Variants in PDE6A observed in about 807,000 individuals in gnomAD.
PDE6A encodes rod cGMP-specific 3',5'-cyclic phosphodiesterase subunit alpha.
PDE6A carries 84 observed loss-of-function variants against 106.3 expected under a neutral mutation model. That is an observed-to-expected ratio of 0.79 (90% CI 0.66 to 0.95). The LOEUF is 0.95. Among genes scored for constraint, PDE6A ranks in the 40% least tolerant of loss-of-function variants. PDE6A has a pLI of 0.00. For synonymous variants in PDE6A, 394 were observed against 386.6 expected, an observed-to-expected ratio of 1.02 and a Z score of -0.23; for missense variants, 1,052 against 1,084.9, an observed-to-expected ratio of 0.97 and a Z score of 0.43.
intron 8 of PDE6A, among the ~76,000 whole-genome samples, chr5:149,900,963 A>G (rs1752955460): frequency 6.6e-6 from 1 of 152,108 alleles, no homozygotes; most frequent in South Asian, 2.1e-4. Flanking sequence ...TCACCCAGGC[A>G]GGAGTATAGT....
chr5:149,922,740 G>GA (rs1457604717), intron 4 of PDE6A, among the ~76,000 whole-genome samples: 2 of 152,126 alleles, frequency 1.3e-5, no homozygotes. Context: ...AAATAAGAAA[G>GA]AAAAAAATGA....
intron 4 of PDE6A, among the ~76,000 whole-genome samples, chr5:149,927,439 A>G (rs1753895256): frequency 6.6e-6 from 1 of 152,068 alleles, no homozygotes; most frequent in Admixed American, 6.6e-5. Context: ...GTAATTTTTA[A>G]TTAATTAATT....
rs1470015295 is a variant in PDE6A, at chr5:149,898,371, T to G, written c.1399A>C (p.Lys467Gln). Residue 467 changes from lysine (K) to glutamine (Q), a missense_variant, in exon 10 of 22, where the codon AAA becomes CAA. By Grantham distance (53) the Lys-to-Gln change is moderately conservative. Coordinates refer to ENST00000255266, the MANE Select transcript of PDE6A (RefSeq NM_000440.3). ...HVKCDNEEIQ[K>Q]ILKTREVYGK... ...TAAAGAACATTACACACCAAGATTT[T>G]CTGAATTTCTTCATTGTCACACTTC... 1 of 1,613,458 alleles carries G rather than the reference T, an allele frequency of 6.2e-7. No individual in the cohort carries two copies. The highest frequency in any genetic ancestry group is 1.7e-5 in the Admixed American group (1 of 60,018).
chr5:149,903,876 CACCTTATAAACAT>C (rs1024143757), intron 7 of PDE6A, among the ~76,000 whole-genome samples, 181 bp from the exon 8 acceptor site: 2 of 152,186 alleles, frequency 1.3e-5, no homozygotes, highest in Non-Finnish European at 2.9e-5. Flanking sequence ...ACAGAAAAGT[CACCTTATAAACAT>C]TACTTTTTAT....
intron 17 of PDE6A, among the ~76,000 whole-genome samples, chr5:149,877,954 C>T (rs1003823390): frequency 1.4e-4 from 21 of 152,266 alleles, no homozygotes; most frequent in African/African-American, 5.1e-4. Context: ...GTCCTGGAGC[C>T]GATCCCCTGA....
chr5:149,931,189 ATTCATAGGT>A, intron 3 of PDE6A, 21 bp from the exon 4 acceptor site: 1 of 1,613,830 alleles, frequency 6.2e-7, no homozygotes, highest in Non-Finnish European at 8.5e-7. Flanking sequence ...ACAAAAACAT[ATTCATAGGT>A]TTTGAGGTGC....
In PDE6A at chr5:149,944,499, C is replaced by T. The variant is rs779392630; in HGVS notation, c.175G>A (p.Glu59Lys). Reference protein sequence around the residue: ...YHSPSSMEESEIIFDLLRDFQ... With the variant: ...YHSPSSMEESKIIFDLLRDFQ... ...TCCCGCAGGAGATCAAAGATGATTT[C>T]GCTCTCCTCCATGCTGCTCGGGGAG... is the stretch of plus-strand genomic sequence containing the variant. Residue 59 changes from glutamate to lysine, a missense_variant, in exon 1 of 22, where the codon GAA becomes AAA. Glu to Lys is a moderately conservative substitution (Grantham distance 56, BLOSUM62 1). This residue lies in a region of PDE6A where 913 missense variants were observed against 915.2 expected (regional missense o/e 1.00). Transcript: ENST00000255266. 22 of 1,614,024 alleles carry T rather than the reference C, an allele frequency of 1.4e-5. No individual in the cohort carries two copies. Among genetic ancestry groups the T allele is most frequent in the African/African-American group, 2.7e-5 (2 of 74,902 alleles).
intron 1 of PDE6A, among the ~76,000 whole-genome samples, chr5:149,938,943 G>A (rs1287326514): frequency 6.6e-6 from 1 of 152,108 alleles, no homozygotes; most frequent in Non-Finnish European, 1.5e-5. Flanking sequence ...GGGTGCTAAA[G>A]GTTGAGAGTA....
At chr5:149,932,212 T>C in intron 3 of PDE6A, 1 of 1,316,900 alleles carries the variant, frequency 7.6e-7, no homozygotes, top group Non-Finnish European at 1.1e-6. Context: ...GTATCTGTAT[T>C]TGAAATGCCA....
At chr5:149,940,724 C>T (rs1754306916) in intron 1 of PDE6A, among the ~76,000 whole-genome samples, 1 of 152,050 alleles carries the variant, frequency 6.6e-6, no homozygotes, top group South Asian at 2.1e-4. Context: ...TTTCAAATTC[C>T]TGACCTCAAG....
intron 8 of PDE6A, among the ~76,000 whole-genome samples, chr5:149,900,500 T>C (rs1470069972): frequency 6.7e-6 from 1 of 150,274 alleles, no homozygotes; most frequent in East Asian, 2.0e-4. Flanking sequence ...ATCTGTAAGG[T>C]AAACCAGCAA....
At chr5:149,894,711 A>G (rs1752670704) in intron 13 of PDE6A, among the ~76,000 whole-genome samples, 2 of 142,622 alleles carry the variant, frequency 1.4e-5, no homozygotes, top group African/African-American at 5.4e-5. Context: ...GGCTCACTGC[A>G]ACCTCTGCCT....
At chr5:149,864,740 G>A (rs998035460) in intron 20 of PDE6A, among the ~76,000 whole-genome samples, 3 of 152,168 alleles carry the variant, frequency 2.0e-5, no homozygotes, top group Non-Finnish European at 4.4e-5. Context: ...CCGCTGTGAA[G>A]TGCCAGAGCC....
intron 13 of PDE6A, among the ~76,000 whole-genome samples, chr5:149,894,098 C>T (rs1752643369): frequency 6.6e-6 from 1 of 152,052 alleles, no homozygotes; most frequent in African/African-American, 2.4e-5. Flanking sequence ...GTCAATCAGG[C>T]CTCCCAGTGT....
chr5:149,936,482 A>G (rs1754188954), intron 1 of PDE6A, among the ~76,000 whole-genome samples: 1 of 152,180 alleles, frequency 6.6e-6, no homozygotes. Context: ...CATTTCATGA[A>G]GTCATTTCAG....
At chr5:149,886,444 T>G (rs530629392) in intron 13 of PDE6A, 70 bp from the exon 14 acceptor site, 1 of 1,182,378 alleles carries the variant, frequency 8.5e-7, no homozygotes, top group East Asian at 2.4e-5. Context: ...AAAAGGCGGG[T>G]GTAAGGAGGA....
Position 149,907,395 on chromosome 5 carries a change from C to T in PDE6A, c.999-17G>A. The T allele has an allele frequency of 6.2e-7, 1 of 1,608,228 alleles. No individual in the cohort carries two copies. The highest frequency in any genetic ancestry group is 8.5e-7 in the Non-Finnish European group (1 of 1,174,636). ...GGTGGATTCCTGTGAAGGCCAAAGA[C>T]AAAACGGTGACTCTCAGTGCAGGGA... On this transcript the variant is annotated splice_polypyrimidine_tract_variant and intron_variant, in intron 6 of 21. Coordinates refer to ENST00000255266, the MANE Select transcript of PDE6A (RefSeq NM_000440.3).
At chr5:149,867,694 A>G in intron 19 of PDE6A, 31 bp downstream of exon 19, 2 of 1,594,962 alleles carry the variant, frequency 1.3e-6, no homozygotes, top group Admixed American at 1.7e-5. Context: ...ACACACACCT[A>G]ACATCAGGCT....
intron 4 of PDE6A, among the ~76,000 whole-genome samples, chr5:149,924,024 A>G (rs959256400): frequency 2.0e-5 from 3 of 152,206 alleles, no homozygotes; most frequent in Admixed American, 6.5e-5. Context: ...TAGACTACCA[A>G]CAACAGGAAG....
Sources: gnomAD v4.1 joint callset for allele counts (sites outside exome capture counted in the v4.1 genomes callset) on GRCh38, gnomAD v4.1.1 for gene constraint, gnomAD v4.1.1 regional missense constraint, MANE v1.5 for transcripts, NCBI Gene and HGNC (gene_info 2026-07-23, HGNC 2026-07-21) for gene names.